The following IL1RL1 variants were observed in gnomAD, a reference collection of about 807,000 sequenced individuals.
The protein encoded by IL1RL1 is interleukin-1 receptor-like 1.
In IL1RL1, 32 loss-of-function variants were observed where a neutral mutation model predicts 50.9. That is an observed-to-expected ratio of 0.63 (90% CI 0.47 to 0.84). The LOEUF (loss-of-function observed/expected upper bound fraction) is 0.84, where lower values mean the gene tolerates loss of function less well. Ranked by LOEUF, IL1RL1 falls within the 40% of genes least tolerant of loss-of-function variation. The pLI, the probability that IL1RL1 is intolerant of heterozygous loss-of-function variation, is 0.00. For synonymous variants in IL1RL1, 275 were observed against 236.0 expected (o/e 1.17, Z -1.51); for missense variants, 773 against 662.9 (o/e 1.17, Z -1.82).
At chr2:102,326,532 G>T (rs1433926479) in intron 1 of IL1RL1, among the ~76,000 whole-genome samples, 2 of 152,124 alleles carry the variant, frequency 1.3e-5, no homozygotes, top group Non-Finnish European at 2.9e-5. Flanking sequence ...TGGGCTAAGT[G>T]CTCCAATTAA....
intron 8 of IL1RL1, 66 bp downstream of exon 8, chr2:102,343,481 G>A (rs375803902): frequency 1.6e-5 from 26 of 1,612,962 alleles, no homozygotes; most frequent in Non-Finnish European, 1.9e-5. Context: ...AGAATGGAGT[G>A]TGGTTCCAAG....
Position 102,326,979 on chromosome 2 carries a change from G to T in IL1RL1, c.-149-11137G>T, listed in dbSNP as rs1239217875. Among the ~76,000 whole-genome samples the T allele has an allele frequency of 2.6e-5, 4 of 152,090 alleles. No individual in the cohort carries two copies. In the East Asian group the frequency reaches 7.7e-4, roughly 29 times the overall value. Reference sequence around the variant, plus strand: ...AAGTTAACAAGGATATCCAGGAGTTGAACTCAGCTCTGCACCAAGCAGACC... The same window carrying T: ...AAGTTAACAAGGATATCCAGGAGTTTAACTCAGCTCTGCACCAAGCAGACC... On this transcript the variant is annotated intron_variant, in intron 1 of 10. Coordinates refer to ENST00000233954, the MANE Select transcript of IL1RL1 (RefSeq NM_016232.5).
rs1177019438 is a variant in IL1RL1, at chr2:102,311,936, A to T, written c.-150+313A>T. 4.4e-3 allele frequency among the ~76,000 whole-genome samples: 205 copies of T among 46,198 alleles called. 7 individuals carry two copies. The highest frequency in any genetic ancestry group is 6.4e-3 in the Non-Finnish European group (171 of 26,602). 30.3% of individuals were successfully genotyped at this position (46,198 alleles called of 152,430 possible). A position where few individuals can be genotyped will look rare whatever the true frequency, so the allele number is the denominator to read the frequency against. On this transcript the variant is annotated intron_variant, in intron 1 of 10. Transcript: ENST00000233954. ...TATTTTATTATATAATATATATTAT[A>T]TATAATATTATATATAATATATATT...
chr2:102,343,147 G>T lies in IL1RL1; in HGVS notation c.794G>T (p.Arg265Ile), dbSNP rs1193690204. The T allele has an allele frequency of 1.3e-5, 21 of 1,613,972 alleles. No homozygotes were observed. Among genetic ancestry groups the T allele is most frequent in the Non-Finnish European group, 1.6e-5 (19 of 1,180,016 alleles). ...GTKITDFGEP[R>I]IQQEEGQNQS... ...AAAATTACAGACTTTGGTGAACCAA[G>T]AATTCAACAAGAGGAAGGGCAAAAT... Residue 265 changes from arginine to isoleucine, a missense_variant, in exon 7 of 11, where the codon AGA (arginine) becomes ATA (isoleucine). Coordinates refer to ENST00000233954, the MANE Select transcript of IL1RL1 (RefSeq NM_016232.5).
At position 102,340,153 on chromosome 2, in the gene IL1RL1, G is replaced by A; in HGVS notation, c.328G>A (p.Asp110Asn). Residue 110 changes from aspartate (D) to asparagine (N), a missense_variant, in exon 4 of 11, where the codon GAT becomes AAT. Asp to Asn is a conservative substitution (Grantham distance 23, BLOSUM62 1). Coordinates refer to ENST00000233954, the MANE Select transcript of IL1RL1 (RefSeq NM_016232.5). ...TGTCACCATATATAAAAAACAATCA[G>A]ATTGCAATGTTCCAGATTATTTGAT... The part of the protein sequence containing the change: ...ANVTIYKKQS[D>N]CNVPDYLMYS... The A allele has an allele frequency of 6.3e-7, 1 of 1,590,688 alleles. No individual in the cohort carries two copies. Among genetic ancestry groups the A allele is most frequent in the Non-Finnish European group, 8.6e-7 (1 of 1,168,700 alleles).
chr2:102,333,597 T>C (rs1677230890), intron 1 of IL1RL1, among the ~76,000 whole-genome samples: 1 of 152,160 alleles, frequency 6.6e-6, no homozygotes, highest in African/African-American at 2.4e-5. Flanking sequence ...TCTGTTTTTG[T>C]TTGTTTGTTT....
Position 102,351,867 on chromosome 2 carries a change from C to G in IL1RL1, c.1617C>G (p.Ser539Arg). 2 of 1,613,776 alleles carry G rather than the reference C, an allele frequency of 1.2e-6. No individual in the cohort carries two copies. Among genetic ancestry groups the G allele is most frequent in the Non-Finnish European group, 1.7e-6 (2 of 1,179,832 alleles). The part of the protein sequence containing the change: ...KHVRYQMPVP[S>R]KIPRKASSLT... Reference sequence around the variant, plus strand: ...TGAGGTACCAAATGCCTGTGCCAAGCAAAATTCCCAGAAAGGCCTCTAGTT... The same window carrying G: ...TGAGGTACCAAATGCCTGTGCCAAGGAAAATTCCCAGAAAGGCCTCTAGTT... Residue 539 changes from serine to arginine, a missense_variant, in exon 11 of 11, where the codon AGC (serine) becomes AGG (arginine). By Grantham distance (110) the Ser-to-Arg change is moderately radical. Transcript: ENST00000233954.
At chr2:102,313,827 G>A (rs1451263306) in intron 1 of IL1RL1, among the ~76,000 whole-genome samples, 1 of 152,182 alleles carries the variant, frequency 6.6e-6, no homozygotes, top group Non-Finnish European at 1.5e-5. Flanking sequence ...GTGTGTGCAC[G>A]AGTGTGTGTG....
At chr2:102,318,732 G>A (rs1283033882) in intron 1 of IL1RL1, among the ~76,000 whole-genome samples, 1 of 152,164 alleles carries the variant, frequency 6.6e-6, no homozygotes, top group Non-Finnish European at 1.5e-5. Flanking sequence ...ATGTGAAGCA[G>A]TAGCCTGTGG....
At chr2:102,348,188 C>A in intron 9 of IL1RL1, 97 bp downstream of exon 9, 1 of 959,088 alleles carries the variant, frequency 1.0e-6, no homozygotes, top group Non-Finnish European at 1.6e-6. Flanking sequence ...GGCTGCTAAG[C>A]CCAGATTCCA....
At chr2:102,326,608 A>C (rs1433777400) in intron 1 of IL1RL1, among the ~76,000 whole-genome samples, 1 of 152,208 alleles carries the variant, frequency 6.6e-6, no homozygotes, top group Non-Finnish European at 1.5e-5. Context: ...CAGGAAACCC[A>C]TCTCACATGC....
At chr2:102,344,027 T>G in intron 8 of IL1RL1, 8 of 446,096 alleles carry the variant, frequency 1.8e-5, no homozygotes, top group Non-Finnish European at 2.4e-5. Context: ...TGGCTCACAG[T>G]TCTGCAGGCT....
rs67962088 is a variant in IL1RL1, at chr2:102,342,046, C to CGTGTGTGTGT, written c.611-144_611-135dup. Among the ~76,000 whole-genome samples the CGTGTGTGTGT allele has an allele frequency of 1.8e-3, 266 of 144,162 alleles. 3 individuals carry two copies. The highest frequency in any genetic ancestry group is 5.0e-3 in the African/African-American group (192 of 38,766). 94.6% of individuals were successfully genotyped at this position (144,162 alleles called of 152,430 possible). On this transcript the variant is annotated intron_variant, in intron 5 of 10. Coordinates refer to ENST00000233954, the MANE Select transcript of IL1RL1 (RefSeq NM_016232.5). ...GTTTTATTTAAGTGCCTTTCTGTTTCGTGTGTGTGTGTGTGTGTGTGTGTG... is the reference window on the plus strand; with the variant it reads ...GTTTTATTTAAGTGCCTTTCTGTTTCGTGTGTGTGTGTGTGTGTGTGTGTGTGTGTGTGTG...
chr2:102,345,188 T>A, intron 8 of IL1RL1: 1 of 970,300 alleles, frequency 1.0e-6, no homozygotes, highest in African/African-American at 1.8e-5. Flanking sequence ...ATGTGAAACA[T>A]CAGAGATGAA....
intron 6 of IL1RL1, 124 bp from the exon 7 acceptor site, chr2:102,342,912 A>G: frequency 1.2e-6 from 1 of 833,086 alleles, no homozygotes; most frequent in South Asian, 1.7e-5. Context: ...GCTAGAGATG[A>G]GGGAGGGAGG....
intron 1 of IL1RL1, among the ~76,000 whole-genome samples, chr2:102,319,655 G>T (rs779878442): frequency 1.1e-4 from 16 of 152,050 alleles, no homozygotes; most frequent in Non-Finnish European, 7.4e-5. Context: ...TAGAATTTTG[G>T]GGCATATTCT....
intron 1 of IL1RL1, among the ~76,000 whole-genome samples, chr2:102,316,005 A>T (rs974177431): frequency 6.6e-6 from 1 of 151,996 alleles, no homozygotes; most frequent in African/African-American, 2.4e-5. Flanking sequence ...TGCCACTTTC[A>T]TCCTCCCCTT....
intron 10 of IL1RL1, among the ~76,000 whole-genome samples, chr2:102,349,718 A>T (rs1466104468): frequency 2.0e-5 from 3 of 152,214 alleles, no homozygotes; most frequent in Non-Finnish European, 4.4e-5. Context: ...TTCTCACCAG[A>T]ACAAAAAGAA....
chr2:102,317,215 G>T (rs750765468), intron 1 of IL1RL1, among the ~76,000 whole-genome samples: 2 of 151,978 alleles, frequency 1.3e-5, no homozygotes, highest in Non-Finnish European at 2.9e-5. Flanking sequence ...TTAACTGGGC[G>T]TGGTGGTGGG....
Sources: allele counts gnomAD v4.1 joint callset (sites outside exome capture counted in the v4.1 genomes callset), GRCh38; gene constraint gnomAD v4.1.1; transcripts MANE v1.5; gene names NCBI Gene and HGNC (gene_info 2026-07-23, HGNC 2026-07-21).